Variants in CYBB observed in about 807,000 individuals in gnomAD.
CYBB encodes cytochrome b-245 beta chain, also known as NADPH oxidase 2.
In CYBB, 5 loss-of-function variants were observed where a neutral mutation model predicts 46.5. The ratio of observed to expected loss-of-function variants is 0.11; its 90% CI spans 0.06 to 0.23. CYBB has a LOEUF of 0.23. Ranked by LOEUF, CYBB falls within the 10% of genes least tolerant of loss-of-function variation. The probability of loss-of-function intolerance (pLI) is 1.00; values close to 1 mark genes in which losing one functional copy is unlikely to be tolerated. For missense variants in CYBB, 307 were observed against 428.3 expected (o/e 0.72, Z 2.50); for synonymous variants, 183 against 156.7 (o/e 1.17, Z -1.26).
chrX:37,806,496 G>A lies in CYBB; in HGVS notation c.1424G>A (p.Ser475Asn). The A allele has an allele frequency of 8.3e-7, 1 of 1,211,260 alleles. No individual in the cohort carries two copies. Among genetic ancestry groups the A allele is most frequent in the Non-Finnish European group, 1.1e-6 (1 of 895,223 alleles). Reference protein sequence around the residue: ...MQERNNAGFLSYNIYLTGWDE... With the variant: ...MQERNNAGFLNYNIYLTGWDE... ...GAAAGGAACAATGCCGGCTTCCTCA[G>A]CTACAACATCTACCTCACTGGCTGG... The change falls in exon 11 of 13, where the codon AGC (serine) becomes AAC (asparagine). Residue 475 changes from serine to asparagine, a missense_variant. Coordinates refer to ENST00000378588, the MANE Select transcript of CYBB (RefSeq NM_000397.4).
chrX:37,794,490 T>C lies in CYBB; in HGVS notation c.483+680T>C, dbSNP rs139150142. Among the ~76,000 whole-genome samples, 357 of 111,722 alleles carry C rather than the reference T, an allele frequency of 3.2e-3. 1 individual carries two copies. The highest frequency in any genetic ancestry group is 0.011 in the African/African-American group (343 of 30,806). On this transcript the variant is annotated intron_variant, in intron 5 of 12. Coordinates refer to ENST00000378588, the MANE Select transcript of CYBB (RefSeq NM_000397.4). Reference sequence around the variant, plus strand: ...GTGACCTCCTCAGAAGCTGGTGTTTTGTGAAATTATTTATGTGAAGTAGGG... The same window carrying C: ...GTGACCTCCTCAGAAGCTGGTGTTTCGTGAAATTATTTATGTGAAGTAGGG...
At chrX:37,800,892 G>A (rs1459156566) in intron 7 of CYBB, among the ~76,000 whole-genome samples, 1 of 112,161 alleles carries the variant, frequency 8.9e-6, no homozygotes, top group Non-Finnish European at 1.9e-5. Flanking sequence ...TTGCTGAAAT[G>A]TTATCCTTTA....
Position 37,812,875 on chromosome X carries a change from T to C in CYBB, c.*1958T>C, listed in dbSNP as rs1569480514. On this transcript the variant is annotated 3_prime_UTR_variant, in exon 13 of 13. Transcript: ENST00000378588. ...TCTATTCAACAGATATTTATTGTGT[T>C]ATTACTATGAGTCAGGCTCTGTTTA... 1 of 112,374 alleles carries C rather than the reference T, an allele frequency of 8.9e-6. No individual in the cohort carries two copies. Among genetic ancestry groups the C allele is most frequent in the Non-Finnish European group, 1.9e-5 (1 of 53,248 alleles). The allele number at this position is 112,374 out of a possible 1,213,427, so 9.3% of individuals were successfully genotyped here.
chrX:37,799,447 A>G (rs900714223), intron 7 of CYBB, among the ~76,000 whole-genome samples: 1 of 111,831 alleles, frequency 8.9e-6, no homozygotes, highest in Non-Finnish European at 1.9e-5. Context: ...CAAATAAATC[A>G]CTTATAAGGA....
At chrX:37,786,421 C>T (rs1487040821) in intron 3 of CYBB, among the ~76,000 whole-genome samples, 3 of 111,895 alleles carry the variant, frequency 2.7e-5, no homozygotes, top group African/African-American at 9.8e-5. Flanking sequence ...AGTGTTTGAG[C>T]ATGCCAAGTA....
chrX:37,787,668 A>G (rs2146806503), intron 3 of CYBB, among the ~76,000 whole-genome samples: 1 of 111,992 alleles, frequency 8.9e-6, no homozygotes, highest in Non-Finnish European at 1.9e-5. Flanking sequence ...AATAATTTAG[A>G]AGTAACTCAA....
chrX:37,803,243 T>C (rs1003308032), intron 8 of CYBB, among the ~76,000 whole-genome samples: 1 of 110,436 alleles, frequency 9.1e-6, no homozygotes, highest in African/African-American at 3.3e-5. Context: ...AGCTATTAGG[T>C]TGGTGCAAAA....
intron 4 of CYBB, among the ~76,000 whole-genome samples, chrX:37,793,267 A>G (rs1312373546): frequency 9.1e-6 from 1 of 109,556 alleles, no homozygotes; most frequent in African/African-American, 3.3e-5. Context: ...GGCATTCACT[A>G]CATGAGTGTT....
At chrX:37,788,068 C>T (rs1428484362) in intron 3 of CYBB, among the ~76,000 whole-genome samples, 1 of 111,760 alleles carries the variant, frequency 8.9e-6, no homozygotes, top group African/African-American at 3.3e-5. Context: ...AATGTATTTC[C>T]CAATCACATC....
chrX:37,804,667 T>C (rs1373441112), intron 9 of CYBB, among the ~76,000 whole-genome samples: 2 of 109,251 alleles, frequency 1.8e-5, no homozygotes, highest in Admixed American at 2.0e-4. Flanking sequence ...GTGCACCGTA[T>C]GCAAGAATTT....
At chrX:37,787,273 G>A (rs987978106) in intron 3 of CYBB, among the ~76,000 whole-genome samples, 2 of 111,924 alleles carry the variant, frequency 1.8e-5, no homozygotes, top group Admixed American at 1.9e-4. Flanking sequence ...ATTCAAAGTT[G>A]GATTTTGTAA....
At chrX:37,781,862 A>G (rs1427265637) in intron 1 of CYBB, among the ~76,000 whole-genome samples, 1 of 112,136 alleles carries the variant, frequency 8.9e-6, no homozygotes, top group Admixed American at 9.4e-5. Context: ...TGGCCAAATC[A>G]TAAAACAATC....
At chrX:37,799,234 A>G in intron 7 of CYBB, 150 bp downstream of exon 7, 1 of 550,036 alleles carries the variant, frequency 1.8e-6, no homozygotes. Flanking sequence ...TTTCTCTGCT[A>G]TACTTATTGG....
At chrX:37,788,409 G>A (rs1458392532) in intron 3 of CYBB, among the ~76,000 whole-genome samples, 2 of 111,948 alleles carry the variant, frequency 1.8e-5, no homozygotes, top group African/African-American at 3.2e-5. Context: ...GCATGAAAAT[G>A]TACTTCATTT....
intron 11 of CYBB, 149 bp downstream of exon 11, chrX:37,806,682 C>T (rs988582322): frequency 2.0e-5 from 11 of 552,590 alleles, no homozygotes; most frequent in African/African-American, 6.9e-5. Context: ...CATTTAGTAT[C>T]GCCACATTAT....
At position 37,810,923 on chromosome X, in the gene CYBB, C is replaced by G. The variant is rs1234353514; in HGVS notation, c.*6C>G. The G allele has an allele frequency of 7.5e-6, 9 of 1,202,680 alleles. No homozygotes were observed. The highest frequency in any genetic ancestry group is 9.0e-6 in the Non-Finnish European group (8 of 889,262). On this transcript the variant is annotated 3_prime_UTR_variant, in exon 13 of 13. Coordinates refer to ENST00000378588, the MANE Select transcript of CYBB (RefSeq NM_000397.4). Reference sequence around the variant, plus strand: ...TCAACAAGGAAAACTTCTAACTTGTCTCTTCCATGAGGAAATAAATGTGGG... The same window carrying G: ...TCAACAAGGAAAACTTCTAACTTGTGTCTTCCATGAGGAAATAAATGTGGG...
chrX:37,810,765 T>C (rs1929656074), intron 12 of CYBB, 26 bp from the exon 13 acceptor site: 2 of 1,203,477 alleles, frequency 1.7e-6, no homozygotes, highest in African/African-American at 3.5e-5. Flanking sequence ...AAGCTTGAAA[T>C]TGTCTTTTTT....
Position 37,798,809 on chromosome X carries a change from A to G in CYBB, c.675-146A>G, listed in dbSNP as rs35015762. ...AGTGTTATGCATTTTCTTTCCTTTCATCTATTCAGAGGGAGCAATAAGCTA... is the reference window on the plus strand; with the variant it reads ...AGTGTTATGCATTTTCTTTCCTTTCGTCTATTCAGAGGGAGCAATAAGCTA... On this transcript the variant is annotated intron_variant, in intron 6 of 12. Transcript: ENST00000378588. 1,401 of 554,567 alleles carry G rather than the reference A, an allele frequency of 2.5e-3. 8 individuals are homozygous for G. Among genetic ancestry groups the G allele is most frequent in the Middle Eastern group, 0.015 (32 of 2,200 alleles). 45.7% of individuals were successfully genotyped at this position (554,567 alleles called of 1,213,427 possible).
intron 11 of CYBB, among the ~76,000 whole-genome samples, chrX:37,807,965 A>C (rs1387277888): frequency 8.9e-6 from 1 of 112,072 alleles, no homozygotes; most frequent in African/African-American, 3.2e-5. Context: ...CCCTGAAACA[A>C]GGTAATGATT....
Sources: allele counts gnomAD v4.1 joint callset (sites outside exome capture counted in the v4.1 genomes callset), GRCh38; gene constraint gnomAD v4.1.1; transcripts MANE v1.5; gene names NCBI Gene and HGNC (gene_info 2026-07-23, HGNC 2026-07-21).